The following CACNA2D3 variants were observed in gnomAD, a reference collection of about 807,000 sequenced individuals.
CACNA2D3 encodes the protein calcium voltage-gated channel auxiliary subunit alpha2delta 3, also known as voltage-dependent calcium channel subunit alpha-2/delta-3.
A neutral mutation model predicts 160.6 loss-of-function variants in CACNA2D3; 60 were observed. The ratio of observed to expected loss-of-function variants is 0.37; its 90% CI spans 0.30 to 0.46. CACNA2D3 has a LOEUF of 0.46. CACNA2D3 is among the 20% of genes least tolerant of loss of function. CACNA2D3 has a pLI of 1.00. For synonymous variants in CACNA2D3, 558 were observed against 492.9 expected (o/e 1.13, Z -1.75); for missense variants, 1,205 against 1,365.0 (o/e 0.88, Z 1.85).
At chr3:55,011,690 G>T (rs1413741891) in intron 34 of CACNA2D3, among the ~76,000 whole-genome samples, 2 of 152,130 alleles carry the variant, frequency 1.3e-5, no homozygotes, top group Non-Finnish European at 2.9e-5. Context: ...TCAGTAGTTG[G>T]TATGGGAAAT....
At chr3:54,285,055 C>G (rs185349362) in intron 2 of CACNA2D3, among the ~76,000 whole-genome samples, 1 of 152,194 alleles carries the variant, frequency 6.6e-6, no homozygotes, top group Non-Finnish European at 1.5e-5. Flanking sequence ...CCGGGTTCAT[C>G]TTACTAGGGA....
At chr3:55,069,620 AGTTG>A (rs2107231660) in intron 35 of CACNA2D3, among the ~76,000 whole-genome samples, 1 of 152,266 alleles carries the variant, frequency 6.6e-6, no homozygotes, top group Non-Finnish European at 1.5e-5. Context: ...TAGTTCTAGT[AGTTG>A]GTCAGTGGGT....
chr3:54,752,786 G>T lies in CACNA2D3; in HGVS notation c.1246+109G>T, dbSNP rs532428621. ...TCTAATAATTCTAAGATAAAGTCTG[G>T]GTATATCTAAGTGATTACTGATAGA... On this transcript the variant is annotated intron_variant, in intron 12 of 37. Coordinates refer to ENST00000474759, the MANE Select transcript of CACNA2D3 (RefSeq NM_018398.3). 3.8e-4 allele frequency: 286 copies of T among 760,640 alleles called. 3 individuals are homozygous for T. Among genetic ancestry groups the T allele is most frequent in the Admixed American group, 4.2e-4 (19 of 45,152 alleles). The allele number at this position is 760,640 out of a possible 1,614,324, so 47.1% of individuals were successfully genotyped here.
chr3:54,826,174 C>T (rs1374435514), intron 14 of CACNA2D3, among the ~76,000 whole-genome samples: 1 of 152,102 alleles, frequency 6.6e-6, no homozygotes, highest in Non-Finnish European at 1.5e-5. Context: ...GATGCTTTTT[C>T]CAGTCATGTT....
At chr3:54,715,251 C>T (rs564037590) in intron 11 of CACNA2D3, among the ~76,000 whole-genome samples, 23 of 152,216 alleles carry the variant, frequency 1.5e-4, no homozygotes, top group African/African-American at 4.8e-4. Context: ...TAAATGTACA[C>T]GTTTATTATA....
In CACNA2D3 at chr3:54,122,605, G is replaced by A; in HGVS notation, c.-109G>A. ...GGGCGCGCGAGAGGCAGGCGGGGCG[G>A]CGCGGAGCGGAGCAGGCAGCCCCGC... On this transcript the variant is annotated 5_prime_UTR_variant, in exon 1 of 38. Coordinates refer to ENST00000474759, the MANE Select transcript of CACNA2D3 (RefSeq NM_018398.3). 1.5e-6 allele frequency: 1 copy of A among 659,808 alleles called. No homozygotes were observed. Among genetic ancestry groups the A allele is most frequent in the Non-Finnish European group, 1.9e-6 (1 of 536,234 alleles). 40.9% of individuals were successfully genotyped at this position (659,808 alleles called of 1,614,324 possible). A position where few individuals can be genotyped will look rare whatever the true frequency, so the allele number is the denominator to read the frequency against.
chr3:54,598,330 A>AG (rs1702997746), intron 9 of CACNA2D3, among the ~76,000 whole-genome samples: 2 of 149,362 alleles, frequency 1.3e-5, no homozygotes, highest in African/African-American at 5.0e-5. Flanking sequence ...AAAAAAAAAA[A>AG]AAGAAGAAAG....
intron 2 of CACNA2D3, among the ~76,000 whole-genome samples, chr3:54,223,097 A>G (rs1334234522): frequency 6.6e-6 from 1 of 152,170 alleles, no homozygotes; most frequent in Non-Finnish European, 1.5e-5. Flanking sequence ...TTTGATGCTT[A>G]CCCTAGATAT....
intron 32 of CACNA2D3, among the ~76,000 whole-genome samples, chr3:55,006,245 A>G (rs1042760981): frequency 3.9e-5 from 6 of 152,174 alleles, no homozygotes; most frequent in African/African-American, 1.4e-4. Flanking sequence ...CTGTATTTGC[A>G]TAATCCCTTT....
chr3:55,072,054 TAAAGAG>T (rs1704822021), intron 35 of CACNA2D3, among the ~76,000 whole-genome samples: 1 of 152,172 alleles, frequency 6.6e-6, no homozygotes, highest in Admixed American at 6.5e-5. Context: ...AGTCTAGTGT[TAAAGAG>T]GGAAGGTAAA....
intron 11 of CACNA2D3, among the ~76,000 whole-genome samples, chr3:54,699,956 G>A (rs550059057): frequency 2.1e-4 from 32 of 152,260 alleles, no homozygotes; most frequent in Non-Finnish European, 3.4e-4. Flanking sequence ...AGGTTAAATC[G>A]TGTGTTTGTG....
intron 13 of CACNA2D3, among the ~76,000 whole-genome samples, chr3:54,816,549 C>T (rs1703461178): frequency 1.3e-5 from 2 of 152,276 alleles, no homozygotes; most frequent in East Asian, 1.9e-4. Flanking sequence ...CTTCGGATCA[C>T]TGGGCAGAAG....
At position 54,891,586 on chromosome 3, in the gene CACNA2D3, CCT is replaced by C. The variant is rs1700070180; in HGVS notation, c.2246+141_2246+142del. The C allele has an allele frequency of 5.0e-5, 34 of 685,654 alleles. No individual in the cohort carries two copies. In the South Asian group the frequency reaches 5.7e-4, roughly 11 times the overall value. 42.5% of individuals were successfully genotyped at this position (685,654 alleles called of 1,614,324 possible). A position where few individuals can be genotyped will look rare whatever the true frequency, so the allele number is the denominator to read the frequency against. ...CCACCCCAGGCCTATTGAGATTTTT[CCT>C]CTCTGTTCTACCATGCGGGCCCCAG... is the stretch of plus-strand genomic sequence containing the variant. On this transcript the variant is annotated intron_variant, in intron 25 of 37. Transcript: ENST00000474759.
intron 14 of CACNA2D3, among the ~76,000 whole-genome samples, chr3:54,822,791 CTTT>C (rs1703653834): frequency 2.3e-5 from 1 of 44,436 alleles, no homozygotes; most frequent in Non-Finnish European, 4.2e-5. Context: ...TCTTTCTTTC[CTTT>C]CTTTCTTTCT....
At chr3:54,289,547 G>GA (rs1442724482) in intron 2 of CACNA2D3, among the ~76,000 whole-genome samples, 3 of 152,028 alleles carry the variant, frequency 2.0e-5, no homozygotes, top group African/African-American at 4.8e-5. Context: ...CACAGAATTG[G>GA]AAAAAACTAC....
At chr3:54,940,292 A>G (rs1288719504) in intron 27 of CACNA2D3, among the ~76,000 whole-genome samples, 1 of 152,246 alleles carries the variant, frequency 6.6e-6, no homozygotes, top group African/African-American at 2.4e-5. Flanking sequence ...TTTTTGAGTC[A>G]AGTAATTCTG....
At chr3:54,288,272 C>T (rs1414661792) in intron 2 of CACNA2D3, among the ~76,000 whole-genome samples, 6 of 152,128 alleles carry the variant, frequency 3.9e-5, no homozygotes, top group Non-Finnish European at 5.9e-5. Context: ...ATACAAACTA[C>T]CATCAGAAAA....
intron 5 of CACNA2D3, among the ~76,000 whole-genome samples, chr3:54,534,950 A>C (rs1701864584): frequency 6.6e-6 from 1 of 152,116 alleles, no homozygotes; most frequent in South Asian, 2.1e-4. Flanking sequence ...TATAAGTAAA[A>C]TAAATGATTC....
At chr3:54,325,820 A>C (rs549502082) in intron 3 of CACNA2D3, among the ~76,000 whole-genome samples, 6 of 152,324 alleles carry the variant, frequency 3.9e-5, no homozygotes, top group African/African-American at 9.6e-5. Context: ...ATATTTAATA[A>C]ATTTTGAAAG....
Sources: gnomAD v4.1 joint callset for allele counts (sites outside exome capture counted in the v4.1 genomes callset) on GRCh38, gnomAD v4.1.1 for gene constraint, MANE v1.5 for transcripts, NCBI Gene and HGNC (gene_info 2026-07-23, HGNC 2026-07-21) for gene names.